Variants in UBAP2 observed in about 807,000 individuals in gnomAD.
UBAP2 encodes the protein ubiquitin-associated protein 2.
In UBAP2, 75 loss-of-function variants were observed where a neutral mutation model predicts 139.6. The ratio of observed to expected loss-of-function variants is 0.54; its 90% confidence interval spans 0.45 to 0.65. UBAP2 has a LOEUF of 0.65. UBAP2 is among the 30% of genes least tolerant of loss of function. The pLI, the probability that UBAP2 is intolerant of heterozygous loss-of-function variation, is 0.00. For synonymous variants in UBAP2, 526 were observed against 526.2 expected (o/e 1.00, Z 0.01); for missense variants, 1,368 against 1,369.6 (o/e 1.00, Z 0.02).
intron 8 of UBAP2, chr9:33,968,361 C>A: frequency 1.7e-6 from 1 of 577,632 alleles, no homozygotes; most frequent in Non-Finnish European, 3.5e-6. Flanking sequence ...TGAGGTTCAA[C>A]AATAACATCA....
At chr9:33,992,659 G>T (rs922226621) in intron 4 of UBAP2, among the ~76,000 whole-genome samples, 1 of 5,808 alleles carries the variant, frequency 1.7e-4, no homozygotes, top group African/African-American at 5.2e-4. Flanking sequence ...ATCGGGCGGA[G>T]GGGGGGGGGC....
At chr9:33,964,198 G>C (rs891201878) in intron 8 of UBAP2, among the ~76,000 whole-genome samples, 1 of 152,134 alleles carries the variant, frequency 6.6e-6, no homozygotes, top group Non-Finnish European at 1.5e-5. Context: ...ACTGTCAACA[G>C]TTGGGTTTCT....
chr9:34,029,969 A>G (rs1170190953), intron 1 of UBAP2, among the ~76,000 whole-genome samples: 1 of 149,892 alleles, frequency 6.7e-6, no homozygotes, highest in Non-Finnish European at 1.5e-5. Context: ...CCTGGGTGAC[A>G]GAGCAAGACT....
chr9:33,998,986 A>C, intron 2 of UBAP2, 122 bp from the exon 3 acceptor site: 3 of 733,704 alleles, frequency 4.1e-6, no homozygotes, highest in Non-Finnish European at 6.8e-6. Context: ...CAAATAAAAG[A>C]CAGTGAATTT....
rs916487705 is a variant in UBAP2, at chr9:33,955,317, G to C, written c.866+762C>G. Among the ~76,000 whole-genome samples, 3 of 151,548 alleles carry C rather than the reference G, an allele frequency of 2.0e-5. No individual in the cohort carries two copies. In the South Asian group the frequency reaches 6.2e-4, roughly 32 times the overall value. ...TGGCGGATCACGAGGTCAGGATTTC[G>C]AGACCAGCCTAGCCAATATGGTGAA... On this transcript the variant is annotated intron_variant, in intron 11 of 28. Transcript: ENST00000379238.
At chr9:34,028,710 C>T (rs916345481) in intron 1 of UBAP2, among the ~76,000 whole-genome samples, 2 of 151,652 alleles carry the variant, frequency 1.3e-5, no homozygotes, top group African/African-American at 4.8e-5. Context: ...AGCAGGTAAC[C>T]AGGACTCTTC....
chr9:33,983,269 C>T (rs1820928381), intron 6 of UBAP2, among the ~76,000 whole-genome samples: 1 of 152,052 alleles, frequency 6.6e-6, no homozygotes, highest in Non-Finnish European at 1.5e-5. Context: ...ACAACCAATC[C>T]AAATACATAC....
chr9:34,028,527 C>A (rs1825614306), intron 1 of UBAP2, among the ~76,000 whole-genome samples: 1 of 151,848 alleles, frequency 6.6e-6, no homozygotes, highest in Non-Finnish European at 1.5e-5. Context: ...TTACAGGCAC[C>A]CGCCACCACG....
In UBAP2 at chr9:33,956,107, C is replaced by A; in HGVS notation, c.838G>T (p.Ala280Ser). ...TKVFTASSAP[A>S]ENHILPGQSI... ...TGCCCAGGTAAGATGTGATTCTCTG[C>A]TGGAGCAGATGAGGCAGTGAAGACC... The change falls in exon 11 of 29, where the codon GCA becomes TCA. Residue 280 changes from alanine (A) to serine (S), a missense_variant. Coordinates refer to ENST00000379238, the MANE Select transcript of UBAP2 (RefSeq NM_001370062.2). 1 of 1,613,566 alleles carries A rather than the reference C, an allele frequency of 6.2e-7. No individual in the cohort carries two copies. The highest frequency in any genetic ancestry group is 8.5e-7 in the Non-Finnish European group (1 of 1,179,828).
intron 4 of UBAP2, among the ~76,000 whole-genome samples, chr9:33,990,191 C>A (rs1482642284): frequency 3.9e-5 from 6 of 152,138 alleles, no homozygotes; most frequent in Non-Finnish European, 8.8e-5. Flanking sequence ...TTTACTTATT[C>A]ATAATCTGCC....
chr9:33,979,237 C>T (rs554675588), intron 6 of UBAP2, among the ~76,000 whole-genome samples: 1 of 152,144 alleles, frequency 6.6e-6, no homozygotes, highest in East Asian at 1.9e-4. Flanking sequence ...GACCCTGTCT[C>T]TAAAAAAAGA....
chr9:34,010,370 GCCC>G (rs1823644386), intron 2 of UBAP2, among the ~76,000 whole-genome samples: 6 of 144,794 alleles, frequency 4.1e-5, no homozygotes, highest in Admixed American at 3.5e-4. Context: ...GTTGCAGTGA[GCCC>G]AGATCGCGCC....
intron 5 of UBAP2, among the ~76,000 whole-genome samples, chr9:33,988,744 T>C (rs1821421710): frequency 6.6e-6 from 1 of 152,226 alleles, no homozygotes; most frequent in Admixed American, 6.6e-5. Context: ...CAGGTGCCAC[T>C]CATTTCTAGT....
At chr9:33,934,302 A>G (rs1249420038) in intron 17 of UBAP2, 1 of 156,030 alleles carries the variant, frequency 6.4e-6, no homozygotes, top group African/African-American at 2.4e-5. Flanking sequence ...AGCTGTGGAA[A>G]GACTCAGTCT....
intron 6 of UBAP2, among the ~76,000 whole-genome samples, chr9:33,984,510 T>A (rs1373372461): frequency 1.5e-5 from 2 of 136,372 alleles, no homozygotes; most frequent in East Asian, 4.0e-4. Context: ...AAAAAAAAAT[T>A]TTTTTTTTTC....
At chr9:33,970,448 T>TC (rs1340401702) in intron 8 of UBAP2, among the ~76,000 whole-genome samples, 1 of 151,786 alleles carries the variant, frequency 6.6e-6, no homozygotes, top group Admixed American at 6.6e-5. Context: ...TTTTTTTTTT[T>TC]CAGGCACGCC....
At chr9:34,024,916 G>A (rs961407218) in intron 1 of UBAP2, among the ~76,000 whole-genome samples, 4 of 152,028 alleles carry the variant, frequency 2.6e-5, no homozygotes, top group Non-Finnish European at 4.4e-5. Flanking sequence ...CCCGAGAGGC[G>A]GAGGTTGCAG....
intron 19 of UBAP2, 103 bp from the exon 20 acceptor site, chr9:33,928,095 G>C (rs1823633972): frequency 7.8e-7 from 1 of 1,283,992 alleles, no homozygotes; most frequent in Non-Finnish European, 1.1e-6. Context: ...GGCTGAGCAG[G>C]CAGGCAATGA....
At chr9:33,956,351 C>A (rs961951554) in intron 10 of UBAP2, among the ~76,000 whole-genome samples, 1 of 146,490 alleles carries the variant, frequency 6.8e-6, no homozygotes, top group Admixed American at 6.8e-5. Flanking sequence ...CAGGGTCTGG[C>A]GCTGTTGCCC....
Sources: gnomAD v4.1 joint callset for allele counts (sites outside exome capture counted in the v4.1 genomes callset) on GRCh38, gnomAD v4.1.1 for gene constraint, MANE v1.5 for transcripts, NCBI Gene and HGNC (gene_info 2026-07-23, HGNC 2026-07-21) for gene names.